Variants in LTBP1 observed in about 807,000 individuals in gnomAD.
LTBP1 encodes the protein latent transforming growth factor beta binding protein 1, also known as latent-transforming growth factor beta-binding protein 1.
LTBP1 carries 129 observed loss-of-function variants against 207.6 expected under a neutral mutation model. That is an observed-to-expected ratio of 0.62 (90% CI 0.54 to 0.72). The LOEUF (loss-of-function observed/expected upper bound fraction) is 0.72. Ranked by LOEUF, LTBP1 falls within the 30% of genes least tolerant of loss-of-function variation. The pLI, the probability that LTBP1 is intolerant of heterozygous loss-of-function variation, is 0.00. For missense variants in LTBP1, 2,281 were observed against 2,217.2 expected, an observed-to-expected ratio of 1.03 and a Z score of -0.58; for synonymous variants, 963 against 833.7, an observed-to-expected ratio of 1.16 and a Z score of -2.67.
intron 10 of LTBP1, among the ~76,000 whole-genome samples, chr2:33,245,931 G>C (rs1342594255): frequency 6.6e-6 from 1 of 152,204 alleles, no homozygotes; most frequent in African/African-American, 2.4e-5. Context: ...GATGTCTAGA[G>C]TTGAGGGCAG....
Position 33,301,528 on chromosome 2 carries a change from A to G in LTBP1, c.3365A>G (p.Asp1122Gly). 1 of 1,593,260 alleles carries G rather than the reference A, an allele frequency of 6.3e-7. No homozygotes were observed. The highest frequency in any genetic ancestry group is 8.5e-7 in the Non-Finnish European group (1 of 1,173,432). ...SAAKDQCEDI[D>G]ECQHRHLCAH... ...TGTATTCTCTTGCTCATAGACATTG[A>G]TGAATGCCAGCACCGTCATCTCTGT... The change falls in exon 22 of 34, where the codon GAT becomes GGT. Residue 1122 changes from aspartate (D) to glycine (G), a missense_variant. By Grantham distance (94) the Asp-to-Gly change is moderately conservative. This residue lies in a region of LTBP1 where 1,671 missense variants were observed against 1,634.8 expected (regional missense o/e 1.02). Coordinates refer to ENST00000404816, the MANE Select transcript of LTBP1 (RefSeq NM_206943.4).
chr2:33,051,832 G>T (rs2076761748), intron 3 of LTBP1, among the ~76,000 whole-genome samples: 1 of 152,152 alleles, frequency 6.6e-6, no homozygotes, highest in Admixed American at 6.5e-5. Flanking sequence ...TACCATCTAA[G>T]TCCTAGAAGG....
At chr2:33,284,061 G>T (rs2093616564) in intron 19 of LTBP1, among the ~76,000 whole-genome samples, 1 of 151,920 alleles carries the variant, frequency 6.6e-6, no homozygotes, top group African/African-American at 2.4e-5. Context: ...CCTATATTCT[G>T]CAGGGATTTT....
chr2:33,358,871 A>C (rs1195423053), intron 26 of LTBP1, among the ~76,000 whole-genome samples: 2 of 152,152 alleles, frequency 1.3e-5, no homozygotes, highest in Non-Finnish European at 2.9e-5. Flanking sequence ...TAGTTTTCCT[A>C]AGTAATTCCA....
chr2:32,996,707 T>C (rs1343242443), intron 2 of LTBP1, among the ~76,000 whole-genome samples: 2 of 152,124 alleles, frequency 1.3e-5, no homozygotes, highest in African/African-American at 2.4e-5. Flanking sequence ...AGAGTTATTA[T>C]CACCCACATT....
chr2:33,106,507 G>T (rs1160757858), intron 3 of LTBP1, among the ~76,000 whole-genome samples: 1 of 152,158 alleles, frequency 6.6e-6, no homozygotes, highest in Non-Finnish European at 1.5e-5. Context: ...TGGATGTTGT[G>T]TTAGCAGGCA....
At chr2:33,021,922 G>C (rs911403256) in intron 3 of LTBP1, among the ~76,000 whole-genome samples, 1 of 152,154 alleles carries the variant, frequency 6.6e-6, no homozygotes, top group African/African-American at 2.4e-5. Context: ...TAAACAAATT[G>C]TCTCCTCTTA....
At chr2:32,989,559 A>G (rs1195845807) in intron 2 of LTBP1, among the ~76,000 whole-genome samples, 1 of 152,138 alleles carries the variant, frequency 6.6e-6, no homozygotes, top group Non-Finnish European at 1.5e-5. Flanking sequence ...TTGGAATAGC[A>G]CTGTGGTAAT....
chr2:33,302,044 A>G (rs976198835), intron 22 of LTBP1, among the ~76,000 whole-genome samples: 2 of 152,250 alleles, frequency 1.3e-5, no homozygotes, highest in African/African-American at 4.8e-5. Flanking sequence ...ACATCAATTC[A>G]GTTTTTGGCT....
chr2:33,135,989 G>T (rs2082117121), intron 5 of LTBP1, among the ~76,000 whole-genome samples: 2 of 152,152 alleles, frequency 1.3e-5, no homozygotes, highest in South Asian at 2.1e-4. Flanking sequence ...AGGAGAAGGG[G>T]TGTCTGTGTC....
At chr2:33,290,589 T>G (rs995071849) in intron 19 of LTBP1, among the ~76,000 whole-genome samples, 1 of 152,228 alleles carries the variant, frequency 6.6e-6, no homozygotes, top group Admixed American at 6.5e-5. Context: ...ATTAAAAGAC[T>G]GTGGCAGTAA....
intron 12 of LTBP1, among the ~76,000 whole-genome samples, chr2:33,258,434 G>A (rs769262548): frequency 6.6e-6 from 1 of 152,140 alleles, no homozygotes; most frequent in Admixed American, 6.5e-5. Context: ...TGCCATAGCC[G>A]CCTTCTTGGT....
intron 10 of LTBP1, 151 bp downstream of exon 10, chr2:33,243,935 G>A: frequency 3.7e-6 from 3 of 812,484 alleles, no homozygotes; most frequent in Non-Finnish European, 3.8e-6. Context: ...CCTGCCTGAT[G>A]TAGTAAAATA....
chr2:33,000,460 G>A lies in LTBP1; in HGVS notation c.566-20449G>A, dbSNP rs965282441. On this transcript the variant is annotated intron_variant, in intron 2 of 33. Transcript: ENST00000404816. ...GTTTTGGGTTAAATGGAGGTTGCCA[G>A]GTGGAGGTGGAAGTTGTTGGGGGAA... Among the ~76,000 whole-genome samples, 18 of 135,104 alleles carry A rather than the reference G, an allele frequency of 1.3e-4. 5 individuals are homozygous for A. The highest frequency in any genetic ancestry group is 4.1e-4 in the African/African-American group (16 of 38,798). 88.6% of individuals were successfully genotyped at this position (135,104 alleles called of 152,430 possible).
intron 31 of LTBP1, among the ~76,000 whole-genome samples, chr2:33,388,438 G>A (rs2095286362): frequency 6.6e-6 from 1 of 152,238 alleles, no homozygotes; most frequent in Non-Finnish European, 1.5e-5. Context: ...CCACATGGCA[G>A]CTGTCATGTA....
At chr2:33,010,238 T>C (rs545292727) in intron 2 of LTBP1, among the ~76,000 whole-genome samples, 3 of 152,256 alleles carry the variant, frequency 2.0e-5, no homozygotes, top group Admixed American at 2.0e-4. Context: ...AAGAACAGAT[T>C]CCGTGGAAAA....
intron 20 of LTBP1, among the ~76,000 whole-genome samples, chr2:33,299,685 A>G (rs1046190746): frequency 1.3e-5 from 2 of 152,256 alleles, no homozygotes; most frequent in African/African-American, 2.4e-5. Flanking sequence ...TCGGACCAAT[A>G]TAATGGCCAA....
At chr2:32,965,482 C>A (rs1679819351) in intron 2 of LTBP1, among the ~76,000 whole-genome samples, 1 of 152,186 alleles carries the variant, frequency 6.6e-6, no homozygotes, top group East Asian at 1.9e-4. Context: ...GCCTACTCAT[C>A]CCTCCTTCCT....
chr2:33,273,722 G>C lies in LTBP1; in HGVS notation c.2684G>C (p.Arg895Thr). ...GGACACTGCATTAACCTACCAGTGA[G>C]ATATACCTGTATATGCTACGAGGGC... Reference protein sequence around the residue: ...GAGHCINLPVRYTCICYEGYR... With the variant: ...GAGHCINLPVTYTCICYEGYR... Residue 895 changes from arginine (R) to threonine (T), a missense_variant, in exon 16 of 34, where the codon AGA (arginine) becomes ACA (threonine). By Grantham distance (71) the Arg-to-Thr change is moderately conservative. Transcript: ENST00000404816. 1.2e-6 allele frequency: 2 copies of C among 1,612,204 alleles called. No individual in the cohort carries two copies. The highest frequency in any genetic ancestry group is 1.7e-6 in the Non-Finnish European group (2 of 1,178,790).
Sources: allele counts gnomAD v4.1 joint callset (sites outside exome capture counted in the v4.1 genomes callset), GRCh38; gene constraint gnomAD v4.1.1; regional missense constraint gnomAD v4.1.1; transcripts MANE v1.5; gene names NCBI Gene and HGNC (gene_info 2026-07-23, HGNC 2026-07-21).